The following IFI44L variants were observed in gnomAD, a reference collection of about 807,000 sequenced individuals.
IFI44L encodes the protein interferon induced protein 44 like.
Under a neutral mutation model 39.3 loss-of-function variants are expected in IFI44L, and 40 were observed. The ratio of observed to expected loss-of-function variants is 1.02; its 90% CI spans 0.79 to 1.33. The LOEUF is 1.33. Ranked by LOEUF, IFI44L falls within the 40% of genes most tolerant of loss-of-function variation. The pLI is 0.00. For missense variants in IFI44L, 623 were observed against 549.0 expected, an observed-to-expected ratio of 1.13 and a Z score of -1.35; for synonymous variants, 198 against 182.3, an observed-to-expected ratio of 1.09 and a Z score of -0.69.
chr1:78,634,921 A>T (rs1652883690), intron 4 of IFI44L, among the ~76,000 whole-genome samples: 1 of 151,686 alleles, frequency 6.6e-6, no homozygotes, highest in African/African-American at 2.4e-5. Context: ...CATCATGGTT[A>T]AGCACAAAAC....
Position 78,628,358 on chromosome 1 carries a change from G to T in IFI44L, c.443G>T (p.Arg148Leu), listed in dbSNP as rs141849276. The change falls in exon 2 of 9, where the codon CGT (arginine) becomes CTT (leucine). Residue 148 changes from arginine (R) to leucine (L), a missense_variant. Coordinates refer to ENST00000370751, the MANE Select transcript of IFI44L (RefSeq NM_006820.4). ...TTGAAACTAAGGTTTTATGGCCACC[G>T]TCAGTATTTGGAATGTGAAGTTTTT... is the stretch of plus-strand genomic sequence containing the variant. ...RNLKLRFYGH[R>L]QYLECEVFRV... 49 of 1,584,990 alleles carry T rather than the reference G, an allele frequency of 3.1e-5. No homozygotes were observed. Among genetic ancestry groups the T allele is most frequent in the Non-Finnish European group, 3.8e-5 (44 of 1,167,438 alleles).
intron 6 of IFI44L, among the ~76,000 whole-genome samples, chr1:78,639,841 G>T (rs1653094618): frequency 6.6e-6 from 1 of 152,074 alleles, no homozygotes; most frequent in Admixed American, 6.6e-5. Flanking sequence ...ACATATTTAG[G>T]TTCCGAAAAG....
At chr1:78,622,599 C>T (rs886473649) in intron 1 of IFI44L, among the ~76,000 whole-genome samples, 9 of 151,820 alleles carry the variant, frequency 5.9e-5, no homozygotes, top group East Asian at 1.9e-4. Context: ...TGTGACTTAA[C>T]GGTAACAAAT....
rs1410713400 is a variant in IFI44L, at chr1:78,643,666, TTG to T, written c.*1859_*1860del. 2.1e-5 allele frequency: 3 copies of T among 146,154 alleles called. No homozygotes were observed. The highest frequency in any genetic ancestry group is 6.9e-5 in the Admixed American group (1 of 14,422). The allele number at this position is 146,154 out of a possible 1,614,324, so 9.1% of individuals were successfully genotyped here. On this transcript the variant is annotated 3_prime_UTR_variant, in exon 9 of 9. Transcript: ENST00000370751. ...TTTTTGTTGTTGTTTTTTTTTTTTT[TTG>T]TTTTTTTGCTGAGTCAATTCCTTGG...
chr1:78,628,514 CTT>C, intron 2 of IFI44L, 121 bp downstream of exon 2: 1 of 669,106 alleles, frequency 1.5e-6, no homozygotes, highest in Non-Finnish European at 2.6e-6. Context: ...ATGCCATACT[CTT>C]TGATAAATTC....
chr1:78,628,882 A>G, intron 2 of IFI44L, 69 bp from the exon 3 acceptor site: 1 of 1,050,898 alleles, frequency 9.5e-7, no homozygotes, highest in Non-Finnish European at 1.5e-6. Flanking sequence ...TCTTATTTCA[A>G]AAGTAGACTT....
Position 78,641,368 on chromosome 1 carries a change from A to G in IFI44L, c.1150-67A>G, listed in dbSNP as rs1646981979. 6 of 1,441,702 alleles carry G rather than the reference A, an allele frequency of 4.2e-6. No homozygotes were observed. The South Asian group carries it at 5.1e-5, about 12-fold the overall frequency. The allele number at this position is 1,441,702 out of a possible 1,614,324, so 89.3% of individuals were successfully genotyped here. ...TTTTTTGGTTTCTTTCTTAAATTGT[A>G]TTTAAAATTGGTCAAATTTCAAATA... On this transcript the variant is annotated intron_variant, in intron 7 of 8. Transcript: ENST00000370751.
At chr1:78,632,557 A>G (rs1652787526) in intron 4 of IFI44L, among the ~76,000 whole-genome samples, 1 of 152,222 alleles carries the variant, frequency 6.6e-6, no homozygotes, top group African/African-American at 2.4e-5. Context: ...TTAATGTGGC[A>G]GCATATAAAA....
chr1:78,631,045 C>G (rs892594091), intron 4 of IFI44L, among the ~76,000 whole-genome samples: 1 of 152,076 alleles, frequency 6.6e-6, no homozygotes, highest in African/African-American at 2.4e-5. Flanking sequence ...AGATACTACT[C>G]AGGACAAAAT....
rs1035499431 is a variant in IFI44L, at chr1:78,645,659, G to A, written c.*3850G>A. 7.9e-5 allele frequency: 12 copies of A among 152,190 alleles called. No homozygotes were observed. The highest frequency in any genetic ancestry group is 1.8e-4 in the Non-Finnish European group (12 of 68,046). The allele number at this position is 152,190 out of a possible 1,614,324, so 9.4% of individuals were successfully genotyped here. A position where few individuals can be genotyped will look rare whatever the true frequency, so the allele number is the denominator to read the frequency against. On this transcript the variant is annotated 3_prime_UTR_variant, in exon 9 of 9. Transcript: ENST00000370751. ...TCGTCATGGAATCCTGCAACCAAAA[G>A]CCATGGGAATTTGGAAGCCCTCAAA...
intron 1 of IFI44L, chr1:78,626,549 C>T (rs928282904): frequency 1.3e-5 from 2 of 151,992 alleles, no homozygotes; most frequent in South Asian, 2.1e-4. Context: ...TATTTTGTTT[C>T]TGCTATGCAG....
chr1:78,628,923 T>C (rs779499073), intron 2 of IFI44L, 28 bp from the exon 3 acceptor site: 13 of 1,410,648 alleles, frequency 9.2e-6, no homozygotes, highest in Middle Eastern at 3.6e-4. Flanking sequence ...GTTTTAAAAA[T>C]GTATTATGCT....
intron 1 of IFI44L, among the ~76,000 whole-genome samples, 156 bp downstream of exon 1, chr1:78,620,727 A>G (rs1652243446): frequency 6.6e-6 from 1 of 152,230 alleles, no homozygotes; most frequent in Admixed American, 6.5e-5. Flanking sequence ...GGAACATTCC[A>G]AATTTTCTCT....
chr1:78,623,496 G>C (rs889797845), intron 1 of IFI44L, among the ~76,000 whole-genome samples: 6 of 143,772 alleles, frequency 4.2e-5, no homozygotes, highest in African/African-American at 1.6e-4. Flanking sequence ...ATTTGTATTA[G>C]TCAGCGTTCT....
At chr1:78,621,123 A>AT (rs1476831829) in intron 1 of IFI44L, among the ~76,000 whole-genome samples, 2 of 152,236 alleles carry the variant, frequency 1.3e-5, no homozygotes, top group East Asian at 3.9e-4. Context: ...TCACACACAG[A>AT]TAACTAGAGA....
rs906528559 is a variant in IFI44L, at chr1:78,642,871, G to A, written c.*1062G>A. 1 of 151,990 alleles carries A rather than the reference G, an allele frequency of 6.6e-6. No homozygotes were observed. The highest frequency in any genetic ancestry group is 6.6e-5 in the Admixed American group (1 of 15,250). The allele number at this position is 151,990 out of a possible 1,614,324, so 9.4% of individuals were successfully genotyped here. A position where few individuals can be genotyped will look rare whatever the true frequency, so the allele number is the denominator to read the frequency against. ...GTGTCCTTCCATTTAGGTTACTGGG[G>A]CAAATCAGTAAGAAAGTTCTTATAT... On this transcript the variant is annotated 3_prime_UTR_variant, in exon 9 of 9. Coordinates refer to ENST00000370751, the MANE Select transcript of IFI44L (RefSeq NM_006820.4).
At position 78,645,938 on chromosome 1, in the gene IFI44L, G is replaced by A. The variant is rs552842128; in HGVS notation, c.*4129G>A. 2 of 152,138 alleles carry A rather than the reference G, an allele frequency of 1.3e-5. No homozygotes were observed. Among genetic ancestry groups the A allele is most frequent in the Non-Finnish European group, 2.9e-5 (2 of 68,040 alleles). The allele number at this position is 152,138 out of a possible 1,614,324, so 9.4% of individuals were successfully genotyped here. On this transcript the variant is annotated 3_prime_UTR_variant, in exon 9 of 9. Coordinates refer to ENST00000370751, the MANE Select transcript of IFI44L (RefSeq NM_006820.4). The stretch of plus-strand genomic sequence containing the variant: ...CAATTCAAACAAATAGACTCAGACT[G>A]TTTCAGGCTCCAGGACAGGAAGTGC...
At chr1:78,639,579 T>C (rs556920545) in intron 6 of IFI44L, among the ~76,000 whole-genome samples, 1 of 152,210 alleles carries the variant, frequency 6.6e-6, no homozygotes, top group Non-Finnish European at 1.5e-5. Flanking sequence ...CTCATCTCTG[T>C]ATTGTTTCTT....
At chr1:78,628,423 A>T (rs762912725) in intron 2 of IFI44L, 30 bp downstream of exon 2, 1 of 1,211,408 alleles carries the variant, frequency 8.3e-7, no homozygotes, top group Non-Finnish European at 1.2e-6. Context: ...CCTACATCTC[A>T]CATTATGATT....
Sources: allele counts gnomAD v4.1 joint callset (sites outside exome capture counted in the v4.1 genomes callset), GRCh38; gene constraint gnomAD v4.1.1; transcripts MANE v1.5; gene names NCBI Gene and HGNC (gene_info 2026-07-23, HGNC 2026-07-21).